The following ERCC6 variants were observed in gnomAD, a reference collection of about 807,000 sequenced individuals.
ERCC6 encodes DNA excision repair protein ERCC-6.
In ERCC6, 116 loss-of-function variants were observed where a neutral mutation model predicts 158.7. That is an observed-to-expected ratio of 0.73 (90% confidence interval 0.63 to 0.85). ERCC6 has a LOEUF of 0.85. Ranked by LOEUF, ERCC6 falls within the 40% of genes least tolerant of loss-of-function variation. The pLI is 0.00. For missense variants in ERCC6, 1,698 were observed against 1,799.4 expected (o/e 0.94, Z 1.02); for synonymous variants, 678 against 659.3 (o/e 1.03, Z -0.43).
rs1018233266 is a variant in ERCC6, at chr10:49,483,440, T to C, written c.1898A>G (p.Asp633Gly). 6.2e-7 allele frequency: 1 copy of C among 1,614,156 alleles called. No individual in the cohort carries two copies. Among genetic ancestry groups the C allele is most frequent in the Non-Finnish European group, 8.5e-7 (1 of 1,180,000 alleles). ...TSYSYIRLMQ[D>G]DISRYDWHYV... is the part of the protein sequence containing the mutation. ...GTGCCAGTCATACCTGCTAATGTCA[T>C]CCTGCATCAATCGAATGTAGGAGTA... The change falls in exon 9 of 21, where the codon GAT (aspartate) becomes GGT (glycine). Residue 633 changes from aspartate (D) to glycine (G), a missense_variant. Physicochemically the swap from Asp to Gly is moderately conservative, Grantham distance 94. Coordinates refer to ENST00000355832, the MANE Select transcript of ERCC6 (RefSeq NM_000124.4).
Position 49,457,729 on chromosome 10 carries a change from A to G in ERCC6, c.*1086T>C, listed in dbSNP as rs1850507504. 1 of 152,272 alleles carries G rather than the reference A, an allele frequency of 6.6e-6. No individual in the cohort carries two copies. Among genetic ancestry groups the G allele is most frequent in the Admixed American group, 6.5e-5 (1 of 15,288 alleles). The allele number at this position is 152,272 out of a possible 1,614,324, so 9.4% of individuals were successfully genotyped here. A position where few individuals can be genotyped will look rare whatever the true frequency, so the allele number is the denominator to read the frequency against. ...GATGAATTTCGGAAAACAACACTTCAAAGATGAGATGATAAAATCATCCTG... is the reference window on the plus strand; with the variant it reads ...GATGAATTTCGGAAAACAACACTTCGAAGATGAGATGATAAAATCATCCTG... On this transcript the variant is annotated 3_prime_UTR_variant, in exon 21 of 21. Coordinates refer to ENST00000355832, the MANE Select transcript of ERCC6 (RefSeq NM_000124.4).
At chr10:49,480,553 T>C (rs1414707235) in intron 10 of ERCC6, among the ~76,000 whole-genome samples, 1 of 152,214 alleles carries the variant, frequency 6.6e-6, no homozygotes, top group Non-Finnish European at 1.5e-5. Flanking sequence ...AGTACACAAA[T>C]TCCTGAAACA....
At chr10:49,515,835 C>G (rs1032751496) in intron 5 of ERCC6, 1 of 1,614,042 alleles carries the variant, frequency 6.2e-7, no homozygotes, top group Non-Finnish European at 8.5e-7. Flanking sequence ...GGGATGGATA[C>G]CAGCACCAGA....
chr10:49,520,971 A>G (rs1204645131), intron 5 of ERCC6, among the ~76,000 whole-genome samples: 1 of 152,244 alleles, frequency 6.6e-6, no homozygotes, highest in African/African-American at 2.4e-5. Flanking sequence ...TGAGCCACCC[A>G]ACAAGACAAG....
At chr10:49,526,114 T>TATA in intron 4 of ERCC6, among the ~76,000 whole-genome samples, 1 of 73,954 alleles carries the variant, frequency 1.4e-5, no homozygotes, top group Middle Eastern at 6.3e-3. Flanking sequence ...TATTTATATA[T>TATA]TTTTATATAT....
chr10:49,478,343 G>A lies in ERCC6; in HGVS notation c.2286+11C>T, dbSNP rs1365858909. 3 of 1,544,994 alleles carry A rather than the reference G, an allele frequency of 1.9e-6. No homozygotes were observed. The highest frequency in any genetic ancestry group is 1.7e-4 in the Middle Eastern group (1 of 5,924). On this transcript the variant is annotated intron_variant, in intron 11 of 20. Coordinates refer to ENST00000355832, the MANE Select transcript of ERCC6 (RefSeq NM_000124.4). ...TTTAGGAATGCTTCGTTAACTCCTG[G>A]ATTTACAGACCTGTTCATTTTTATC...
chr10:49,519,912 C>A (rs1390527943), intron 5 of ERCC6, among the ~76,000 whole-genome samples: 1 of 152,124 alleles, frequency 6.6e-6, no homozygotes, highest in Non-Finnish European at 1.5e-5. Context: ...CTGCCTCAGA[C>A]TCCCCACGCT....
intron 10 of ERCC6, among the ~76,000 whole-genome samples, chr10:49,479,808 C>T (rs1427713451): frequency 6.6e-6 from 1 of 152,170 alleles, no homozygotes; most frequent in Non-Finnish European, 1.5e-5. Context: ...GCATGCCACC[C>T]CATGGAGATG....
At chr10:49,503,582 A>G (rs112680086) in intron 6 of ERCC6, 76 of 152,220 alleles carry the variant, frequency 5.0e-4, no homozygotes, top group African/African-American at 1.7e-3. Context: ...CTGGTAGATG[A>G]TATACATAGC....
At chr10:49,454,338 G>C (rs74338098), downstream of ERCC6, among the ~76,000 whole-genome samples, 2,041 of 152,288 alleles carry the variant, frequency 0.013, 23 homozygotes, top group Non-Finnish European at 0.021. Flanking sequence ...GCCCCTCCCT[G>C]TGAGGTACCA....
chr10:49,492,561 C>T (rs566504435), intron 8 of ERCC6, among the ~76,000 whole-genome samples: 2 of 152,146 alleles, frequency 1.3e-5, no homozygotes, highest in East Asian at 3.8e-4. Context: ...ACAGATAAAG[C>T]TCTTTTTTGA....
chr10:49,460,578 A>T, intron 19 of ERCC6, 127 bp from the exon 20 acceptor site: 1 of 733,222 alleles, frequency 1.4e-6, no homozygotes, highest in East Asian at 2.7e-5. Context: ...TTTCACAGCC[A>T]TGCCATTTCT....
chr10:49,451,953 G>A (rs546522343), downstream of ERCC6, among the ~76,000 whole-genome samples: 57 of 151,796 alleles, frequency 3.8e-4, 1 homozygote, highest in African/African-American at 1.4e-3. Flanking sequence ...CTGTAAGGTT[G>A]GTAGTAGTGT....
At chr10:49,526,159 A>ATC (rs1837334344) in intron 4 of ERCC6, among the ~76,000 whole-genome samples, 2 of 123,804 alleles carry the variant, frequency 1.6e-5, no homozygotes. Flanking sequence ...ATATATATAT[A>ATC]TATCTGGGTA....
In ERCC6 at chr10:49,530,765, G is replaced by A. The variant is rs1028476111; in HGVS notation, c.498C>T (p.Asp166=). 3.1e-6 allele frequency: 5 copies of A among 1,613,620 alleles called. No homozygotes were observed. The highest frequency in any genetic ancestry group is 4.2e-6 in the Non-Finnish European group (5 of 1,179,884). ...TTACAGAATCTAGTTTCCTGTTGAT[G>A]TCTCTGCTGGTGGCAGCTTGAGGGC... is the stretch of plus-strand genomic sequence containing the variant. The part of the protein sequence containing the change: ...QLSPQAATSR[D]INRKLDSVKR... The change falls in exon 3 of 21, where the codon GAC becomes GAT. Residue 166 remains aspartate (D), a synonymous_variant. Transcript: ENST00000355832.
chr10:49,468,375 A>G (rs2132534689), intron 18 of ERCC6, among the ~76,000 whole-genome samples: 1 of 152,298 alleles, frequency 6.6e-6, no homozygotes, highest in South Asian at 2.1e-4. Flanking sequence ...CTGTTACAGC[A>G]CGAAAATTCT....
chr10:49,476,188 T>C, intron 12 of ERCC6, 27 bp downstream of exon 12: 1 of 1,492,720 alleles, frequency 6.7e-7, no homozygotes, highest in Non-Finnish European at 9.4e-7. Context: ...CACAATTCAT[T>C]TCTCCAGCTT....
intron 6 of ERCC6, chr10:49,505,658 T>G: frequency 1.8e-6 from 1 of 561,654 alleles, no homozygotes; most frequent in Non-Finnish European, 3.1e-6. Flanking sequence ...TCCATATAGA[T>G]TCATCAGTTT....
At chr10:49,513,693 AAACT>A (rs1836868593) in intron 5 of ERCC6, among the ~76,000 whole-genome samples, 1 of 152,176 alleles carries the variant, frequency 6.6e-6, no homozygotes, top group Admixed American at 6.5e-5. Context: ...GCTCTCATGA[AAACT>A]AACTATCGTG....
Sources: allele counts gnomAD v4.1 joint callset (sites outside exome capture counted in the v4.1 genomes callset), GRCh38; gene constraint gnomAD v4.1.1; transcripts MANE v1.5; gene names NCBI Gene and HGNC (gene_info 2026-07-23, HGNC 2026-07-21).